The following KAZN variants were observed in gnomAD, a reference collection of about 807,000 sequenced individuals.
KAZN encodes the protein kazrin, periplakin interacting protein, also known as kazrin.
In KAZN, 40 loss-of-function variants were observed where a neutral mutation model predicts 87.4. That is an observed-to-expected ratio of 0.46 (90% CI 0.36 to 0.60). The LOEUF (loss-of-function observed/expected upper bound fraction) is 0.60. Among genes scored for constraint, KAZN ranks in the 20% least tolerant of loss-of-function variants. The probability of loss-of-function intolerance (pLI) is 0.00; values close to 1 mark genes in which losing one functional copy is unlikely to be tolerated. For missense variants in KAZN, 898 were observed against 1,073.9 expected (o/e 0.84, Z 2.29); for synonymous variants, 466 against 458.3 (o/e 1.02, Z -0.22).
At chr1:15,060,122 G>A in intron 5 of KAZN, 50 bp from the exon 6 acceptor site, 1 of 1,609,890 alleles carries the variant, frequency 6.2e-7, no homozygotes, top group Non-Finnish European at 8.5e-7. Context: ...GGCAGCACAG[G>A]CGAGGACGTT....
intron 1 of KAZN, among the ~76,000 whole-genome samples, chr1:14,153,052 T>C (rs940995836): frequency 2.0e-5 from 3 of 152,228 alleles, no homozygotes; most frequent in Non-Finnish European, 4.4e-5. Flanking sequence ...TAGATATTTT[T>C]CCTACAGAGT....
At chr1:14,109,820 A>ACTCTGTCGCCCAG (rs1358568092) in intron 1 of KAZN, among the ~76,000 whole-genome samples, 3 of 82,750 alleles carry the variant, frequency 3.6e-5, no homozygotes, top group Admixed American at 1.1e-4. Context: ...AAACGATTTC[A>ACTCTGTCGCCCAG]GCGTCAAGTA....
intron 2 of KAZN, among the ~76,000 whole-genome samples, chr1:14,211,381 C>A (rs1646849706): frequency 6.6e-6 from 1 of 152,120 alleles, no homozygotes; most frequent in African/African-American, 2.4e-5. Flanking sequence ...CCACCACACC[C>A]AGCTAATTTT....
chr1:14,922,104 CTA>C (rs1658589944), intron 1 of KAZN, among the ~76,000 whole-genome samples: 1 of 152,202 alleles, frequency 6.6e-6, no homozygotes, highest in East Asian at 1.9e-4. Flanking sequence ...ACGTGAAAGA[CTA>C]TGTTTCTTTG....
chr1:14,341,815 T>G (rs183386076), intron 2 of KAZN, among the ~76,000 whole-genome samples: 1 of 152,342 alleles, frequency 6.6e-6, no homozygotes, highest in Admixed American at 6.5e-5. Context: ...TCTTTAAGCC[T>G]ATTCTGAAAA....
intron 1 of KAZN, among the ~76,000 whole-genome samples, chr1:14,956,317 A>AAAAAAAAAAAAAAAAAAAAAAAAAAT (rs58466983): frequency 6.6e-6 from 1 of 150,574 alleles, no homozygotes; most frequent in African/African-American, 2.4e-5. Flanking sequence ...AAAAAAAAAA[A>AAAAAAAAAAAAAAAAAAAAAAAAAAT]GACCCAGCAC....
intron 1 of KAZN, among the ~76,000 whole-genome samples, chr1:14,913,771 C>T (rs1366400274): frequency 1.3e-5 from 2 of 152,178 alleles, no homozygotes; most frequent in African/African-American, 4.8e-5. Flanking sequence ...AGGAGTCGCT[C>T]GGGCTGACGT....
intron 2 of KAZN, among the ~76,000 whole-genome samples, chr1:14,198,970 G>C (rs1646584269): frequency 6.6e-6 from 1 of 152,158 alleles, no homozygotes; most frequent in Non-Finnish European, 1.5e-5. Flanking sequence ...TTAGGGCTTT[G>C]CACTGGAGTA....
intron 2 of KAZN, among the ~76,000 whole-genome samples, chr1:14,396,671 C>T (rs1362493431): frequency 1.3e-5 from 2 of 152,136 alleles, no homozygotes; most frequent in African/African-American, 2.4e-5. Flanking sequence ...AGAAGCAGGC[C>T]AGTGTTATCC....
chr1:15,007,072 A>G (rs991457939), intron 2 of KAZN, among the ~76,000 whole-genome samples: 8 of 128,134 alleles, frequency 6.2e-5, no homozygotes, highest in Non-Finnish European at 8.6e-5. Context: ...AAAAAAAAAA[A>G]AAAAAGAAAA....
chr1:14,609,919 G>A (rs1217397030), intron 1 of KAZN, among the ~76,000 whole-genome samples: 3 of 152,220 alleles, frequency 2.0e-5, no homozygotes, highest in Admixed American at 2.0e-4. Flanking sequence ...CAGCTGCACA[G>A]TGTGGGAAGA....
chr1:14,120,423 C>T (rs997436917), intron 1 of KAZN, among the ~76,000 whole-genome samples: 5 of 152,124 alleles, frequency 3.3e-5, no homozygotes, highest in Non-Finnish European at 7.4e-5. Context: ...GGCCCCACCT[C>T]CAACACTGGG....
chr1:14,530,839 C>A lies in KAZN; in HGVS notation c.250-68144C>A, dbSNP rs544596059. Reference sequence around the variant, plus strand: ...GTGGTTCATGCTTGTAATCCCAGCACGTTGGGAGGCTGAGGCAGGAGGATC... The same window carrying A: ...GTGGTTCATGCTTGTAATCCCAGCAAGTTGGGAGGCTGAGGCAGGAGGATC... On this transcript the variant is annotated intron_variant, in intron 2 of 16. Transcript: ENST00000636203. 3.3e-5 allele frequency among the ~76,000 whole-genome samples: 5 copies of A among 152,126 alleles called. No individual in the cohort carries two copies. The South Asian group carries it at 8.3e-4, about 25-fold the overall frequency.
chr1:14,041,334 C>G (rs1008711459), intron 1 of KAZN, among the ~76,000 whole-genome samples: 2 of 152,150 alleles, frequency 1.3e-5, no homozygotes, highest in African/African-American at 4.8e-5. Context: ...TACTTCTAAG[C>G]CAGGGAATGT....
intron 1 of KAZN, among the ~76,000 whole-genome samples, chr1:14,080,488 A>G (rs1184294151): frequency 6.6e-6 from 1 of 152,210 alleles, no homozygotes; most frequent in Non-Finnish European, 1.5e-5. Context: ...GGGGGTGGGT[A>G]GAGAGAGATT....
intron 2 of KAZN, among the ~76,000 whole-genome samples, chr1:14,576,264 A>AACTAGTAGTG (rs1675171161): frequency 1.3e-5 from 2 of 152,216 alleles, no homozygotes; most frequent in South Asian, 4.1e-4. Context: ...GACACAAAGT[A>AACTAGTAGTG]AACACTCAGT....
At chr1:14,390,981 G>A (rs1229844368) in intron 2 of KAZN, among the ~76,000 whole-genome samples, 1 of 152,226 alleles carries the variant, frequency 6.6e-6, no homozygotes, top group South Asian at 2.1e-4. Context: ...TGAAGATATT[G>A]GCTTCGACTC....
chr1:15,107,262 A>G (rs1027484369), intron 13 of KAZN, among the ~76,000 whole-genome samples: 7 of 152,184 alleles, frequency 4.6e-5, no homozygotes, highest in African/African-American at 9.7e-5. Context: ...AGAAGACCTC[A>G]TAGGTGGATG....
chr1:14,423,004 A>G (rs1288630751), intron 2 of KAZN, among the ~76,000 whole-genome samples: 2 of 152,252 alleles, frequency 1.3e-5, no homozygotes, highest in Non-Finnish European at 2.9e-5. Context: ...TTAACTTTTA[A>G]GAACAGTGAA....
Sources: allele counts gnomAD v4.1 joint callset (sites outside exome capture counted in the v4.1 genomes callset), GRCh38; gene constraint gnomAD v4.1.1; transcripts MANE v1.5; gene names NCBI Gene and HGNC (gene_info 2026-07-23, HGNC 2026-07-21).